The following MYH3 variants were observed in gnomAD, a reference collection of about 807,000 sequenced individuals.
MYH3 encodes myosin heavy chain 3.
Under a neutral mutation model 238.0 loss-of-function variants are expected in MYH3, and 130 were observed. That is an observed-to-expected ratio of 0.55 (90% CI 0.47 to 0.63). The LOEUF is 0.63. Among genes scored for constraint, MYH3 ranks in the 30% least tolerant of loss-of-function variants. The probability of loss-of-function intolerance (pLI) is 0.00; values close to 1 mark genes in which losing one functional copy is unlikely to be tolerated. For missense variants in MYH3, 1,853 were observed against 2,374.9 expected (o/e 0.78, Z 4.57); for synonymous variants, 880 against 924.1 (o/e 0.95, Z 0.86).
In MYH3 at chr17:10,631,676, C is replaced by T. The variant is rs745900083; in HGVS notation, c.5221G>A (p.Glu1741Lys). Reference protein sequence around the residue: ...LETDLMQLQSEVEDASRDARN... With the variant: ...LETDLMQLQSKVEDASRDARN... ...GCATCCCTGCTGGCATCTTCTACCT[C>T]ACTCTGGAGCTGCATGAGGTCTGTC... The change falls in exon 36 of 41, where the codon GAG becomes AAG. Residue 1741 changes from glutamate (E) to lysine (K), a missense_variant. Glu to Lys is a moderately conservative substitution (Grantham distance 56). Around this residue, in one of 3 missense-constraint regions of MYH3, gnomAD observed 1,044 missense variants for 1,192.6 expected, o/e 0.88. Transcript: ENST00000583535. The T allele has an allele frequency of 1.2e-6, 2 of 1,614,054 alleles. No individual in the cohort carries two copies. Among genetic ancestry groups the T allele is most frequent in the African/African-American group, 1.3e-5 (1 of 74,934 alleles).
intron 5 of MYH3, 84 bp downstream of exon 5, chr17:10,651,428 T>A: frequency 6.2e-7 from 1 of 1,606,074 alleles, no homozygotes. Context: ...CCAGATGGGG[T>A]CCAGCCTGGG....
chr17:10,651,697 A>T lies in MYH3; in HGVS notation c.349-29T>A, dbSNP rs779679987. On this transcript the variant is annotated intron_variant, in intron 4 of 40. Coordinates refer to ENST00000583535, the MANE Select transcript of MYH3 (RefSeq NM_002470.4). ...TGGGAGGAAAAACATATACGTGCGTATATGTATGTATGTGCATATGGAAAA... is the reference window on the plus strand; with the variant it reads ...TGGGAGGAAAAACATATACGTGCGTTTATGTATGTATGTGCATATGGAAAA... The T allele has an allele frequency of 2.2e-5, 35 of 1,607,860 alleles. No individual in the cohort carries two copies. The Admixed American group carries it at 3.3e-4, about 15-fold the overall frequency.
upstream of MYH3, among the ~76,000 whole-genome samples, chr17:10,662,096 A>G (rs2074484830): frequency 6.6e-6 from 1 of 151,338 alleles, no homozygotes; most frequent in South Asian, 2.1e-4. Context: ...ATCTTGGCTC[A>G]CTACAACCTC....
chr17:10,644,399 T>A lies in MYH3; in HGVS notation c.1362A>T (p.Arg454Ser), dbSNP rs1213932275. ...INQQLDTKLP[R>S]QHFIGVLDIA... ...TGTCCAAAACACCAATGAAGTGTTG[T>A]CTTGGAAGCTTCGTATCCAGTTGCT... The change falls in exon 14 of 41, where the codon AGA (arginine) becomes AGT (serine). Residue 454 changes from arginine to serine, a missense_variant. Transcript: ENST00000583535. 2 of 1,614,028 alleles carry A rather than the reference T, an allele frequency of 1.2e-6. No homozygotes were observed. The highest frequency in any genetic ancestry group is 1.7e-6 in the Non-Finnish European group (2 of 1,179,994).
At chr17:10,675,434 T>G in the MYH3 span, 1 of 152,310 alleles carries the variant, frequency 6.6e-6, no homozygotes, top group East Asian at 1.9e-4. Flanking sequence ...GACTGCCTTT[T>G]GCAGGGACTC....
chr17:10,663,958 G>A, the MYH3 span, among the ~76,000 whole-genome samples: 2 of 151,278 alleles, frequency 1.3e-5, no homozygotes, highest in African/African-American at 4.9e-5. Context: ...AGCTACTCAG[G>A]AGGCTGAGGC....
intron 27 of MYH3, 35 bp downstream of exon 27, chr17:10,638,008 G>T (rs1247398096): frequency 6.2e-7 from 1 of 1,614,032 alleles, no homozygotes; most frequent in Non-Finnish European, 8.5e-7. Context: ...TGTGTCTGAT[G>T]GAAAGCCTTG....
rs768265932 is a variant in MYH3 at position 10,651,544 on chromosome 17, A to G, written c.473T>C (p.Ile158Thr). The G allele has an allele frequency of 1.2e-6, 2 of 1,613,860 alleles. No homozygotes were observed. Among genetic ancestry groups the G allele is most frequent in the Non-Finnish European group, 1.7e-6 (2 of 1,179,868 alleles). Residue 158 changes from isoleucine to threonine, a missense_variant, in exon 5 of 41, where the codon ATC (isoleucine) becomes ACC (threonine). By Grantham distance (89) the Ile-to-Thr change is moderately conservative. Coordinates refer to ENST00000583535, the MANE Select transcript of MYH3 (RefSeq NM_002470.4). ...RQEAPPHIFS[I>T]SDNAYQFMLT... ...CATGAACTGATAGGCGTTGTCAGAG[A>G]TGGAGAAGATGTGGGGTGGGGCCTC...
Position 10,642,792 on chromosome 17 carries a change from G to A in MYH3, c.1581+34C>T, listed in dbSNP as rs1419275020. On this transcript the variant is annotated intron_variant, in intron 15 of 40. Transcript: ENST00000583535. The surrounding 1 kb of genome is among the most constrained non-coding windows in gnomAD (Gnocchi z 5.4). ...TGCAGTAATGAGCAGAAGAGTCTATGAGAAGAGCTTACGGTGGGGATGGAA... is the reference window on the plus strand; with the variant it reads ...TGCAGTAATGAGCAGAAGAGTCTATAAGAAGAGCTTACGGTGGGGATGGAA... 2.5e-6 allele frequency: 4 copies of A among 1,614,034 alleles called. No homozygotes were observed. The highest frequency in any genetic ancestry group is 3.4e-6 in the Non-Finnish European group (4 of 1,180,012).
chr17:10,632,612 C>T lies in MYH3; in HGVS notation c.4820G>A (p.Arg1607Gln), dbSNP rs768530639. 2.1e-5 allele frequency: 34 copies of T among 1,614,020 alleles called. No individual in the cohort carries two copies. The highest frequency in any genetic ancestry group is 1.6e-4 in the Middle Eastern group (1 of 6,084). The part of the protein sequence containing the change: ...TMQSALDAEV[R>Q]SRNEAIRLKK... ...GAGCCGGATGGCTTCATTCCTGCTC[C>T]GCACCTCGGCGTCCAGGGCGCTCTG... The change falls in exon 34 of 41, where the codon CGG becomes CAG. Residue 1607 changes from arginine (R) to glutamine (Q), a missense_variant. Physicochemically the swap from Arg to Gln is conservative, Grantham distance 43. Coordinates refer to ENST00000583535, the MANE Select transcript of MYH3 (RefSeq NM_002470.4).
intron 40 of MYH3, 68 bp from the exon 41 acceptor site, chr17:10,628,747 C>T: frequency 1.3e-6 from 2 of 1,567,032 alleles, no homozygotes; most frequent in Non-Finnish European, 1.8e-6. Context: ...ACCACTTCTG[C>T]CGGCTGGCAT....
At position 10,631,951 on chromosome 17, in the gene MYH3, A is replaced by C; in HGVS notation, c.5022T>G (p.Ile1674Met). 1 of 1,614,008 alleles carries C rather than the reference A, an allele frequency of 6.2e-7. No individual in the cohort carries two copies. The highest frequency in any genetic ancestry group is 8.5e-7 in the Non-Finnish European group (1 of 1,180,006). The part of the protein sequence containing the change: ...GQEDLKEQLA[I>M]VERRANLLQA... The stretch of plus-strand genomic sequence containing the variant: ...GCAGCAGGTTGGCTCTGCGCTCCAC[A>C]ATCGCCAGCTGCTCCTTCAGGTCCT... Residue 1674 changes from isoleucine (I) to methionine (M), a missense_variant, in exon 35 of 41, where the codon ATT becomes ATG. Transcript: ENST00000583535.
chr17:10,639,919 C>A (rs1302645810), intron 22 of MYH3, 77 bp downstream of exon 22: 3 of 1,589,468 alleles, frequency 1.9e-6, no homozygotes, highest in South Asian at 2.3e-5. Flanking sequence ...AAAATCCCCA[C>A]CAATAACTCA....
chr17:10,664,480 G>A, the MYH3 span, among the ~76,000 whole-genome samples: 1 of 152,146 alleles, frequency 6.6e-6, no homozygotes. Context: ...GGACGGTTCA[G>A]GAGTTATGAC....
chr17:10,641,235 A>C, intron 18 of MYH3, 33 bp from the exon 19 acceptor site: 1 of 1,611,518 alleles, frequency 6.2e-7, no homozygotes, highest in Non-Finnish European at 8.5e-7. Context: ...AGCCTTACAC[A>C]GAATTTCTTA....
chr17:10,636,644 G>A (rs559689848), intron 28 of MYH3, among the ~76,000 whole-genome samples: 8 of 151,656 alleles, frequency 5.3e-5, no homozygotes, highest in South Asian at 2.1e-4. Flanking sequence ...GGCCGGGTGC[G>A]GTGGCTCACG....
rs372992326 is a variant in MYH3, at chr17:10,630,240, T to C, written c.5458-44A>G. 7.6e-5 allele frequency: 122 copies of C among 1,612,492 alleles called. No individual in the cohort carries two copies. In the African/African-American group the frequency reaches 1.1e-3, roughly 14 times the overall value. On this transcript the variant is annotated intron_variant, in intron 37 of 40. Transcript: ENST00000583535. The stretch of plus-strand genomic sequence containing the variant: ...AAATTAGTCTGGGGCTGCAGCGTGA[T>C]TGGGAGGCTGGAAAGCTCAGCGCAG...
chr17:10,652,115 G>A, intron 4 of MYH3: 2 of 452,634 alleles, frequency 4.4e-6, no homozygotes, highest in South Asian at 4.1e-5. Context: ...TTTATAGTGA[G>A]GCACTGAGAC....
At position 10,642,990 on chromosome 17, in the gene MYH3, T is replaced by A; in HGVS notation, c.1417A>T (p.Ser473Cys). The A allele has an allele frequency of 6.2e-7, 1 of 1,614,186 alleles. No homozygotes were observed. The highest frequency in any genetic ancestry group is 2.2e-5 in the East Asian group (1 of 44,884). Reference protein sequence around the residue: ...IAGFEIFEYNSLEQLCINFTN... With the variant: ...IAGFEIFEYNCLEQLCINFTN... ...AAGTTGATGCACAGCTGCTCCAGGC[T>A]GTTATACTAATAAAAAAATACAACA... The change falls in exon 15 of 41, where the codon AGC (serine) becomes TGC (cysteine). Residue 473 changes from serine to cysteine, a missense_variant. Ser to Cys is a moderately radical substitution (Grantham distance 112). Coordinates refer to ENST00000583535, the MANE Select transcript of MYH3 (RefSeq NM_002470.4). The surrounding 1 kb of genome is among the most constrained non-coding windows in gnomAD (Gnocchi z 5.4).
Sources: gnomAD v4.1 joint callset for allele counts (sites outside exome capture counted in the v4.1 genomes callset) on GRCh38, gnomAD v4.1.1 for gene constraint, gnomAD v4.1.1 regional missense constraint, Gnocchi (gnomAD v3.1) non-coding constraint, MANE v1.5 for transcripts, NCBI Gene and HGNC (gene_info 2026-07-23, HGNC 2026-07-21) for gene names.